The following ZNF438 variants were observed in gnomAD, a reference collection of about 807,000 sequenced individuals.
The protein encoded by ZNF438 is zinc finger protein 438.
Under a neutral mutation model 38.0 loss-of-function variants are expected in ZNF438, and 25 were observed. The observed-to-expected ratio is 0.66, with a 90% CI of 0.48 to 0.92. The LOEUF (loss-of-function observed/expected upper bound fraction) is 0.92, where lower values mean the gene tolerates loss of function less well. Among genes scored for constraint, ZNF438 ranks in the 40% least tolerant of loss-of-function variants. The pLI is 0.00. For missense variants in ZNF438, 1,007 were observed against 999.6 expected (o/e 1.01, Z -0.10); for synonymous variants, 372 against 364.1 (o/e 1.02, Z -0.25).
intron 1 of ZNF438, among the ~76,000 whole-genome samples, chr10:31,014,652 G>A (rs1442021745): frequency 1.3e-5 from 2 of 152,116 alleles, no homozygotes; most frequent in Non-Finnish European, 2.9e-5. Context: ...AATCAGCTGC[G>A]TGATGACGGT....
intron 1 of ZNF438, among the ~76,000 whole-genome samples, chr10:30,989,209 T>C (rs2053191809): frequency 6.6e-6 from 1 of 152,208 alleles, no homozygotes; most frequent in Non-Finnish European, 1.5e-5. Flanking sequence ...AGCCAATTCC[T>C]TAAAATAAAC....
At chr10:30,981,600 G>A (rs1335185722) in intron 1 of ZNF438, among the ~76,000 whole-genome samples, 3 of 152,172 alleles carry the variant, frequency 2.0e-5, no homozygotes, top group East Asian at 3.9e-4. Context: ...TGTTCAGGCC[G>A]GGCGTGATGG....
At chr10:30,991,753 G>A (rs1564809580) in intron 1 of ZNF438, among the ~76,000 whole-genome samples, 1 of 152,184 alleles carries the variant, frequency 6.6e-6, no homozygotes, top group Non-Finnish European at 1.5e-5. Flanking sequence ...AAAAGAGACA[G>A]CCAGCTCACA....
At chr10:30,969,634 T>A (rs1043039195) in intron 1 of ZNF438, among the ~76,000 whole-genome samples, 1 of 152,174 alleles carries the variant, frequency 6.6e-6, no homozygotes, top group Non-Finnish European at 1.5e-5. Context: ...GACCCCGAAG[T>A]ATACCAAATG....
chr10:31,026,819 T>C (rs1344707451), intron 1 of ZNF438, among the ~76,000 whole-genome samples: 2 of 152,038 alleles, frequency 1.3e-5, no homozygotes, highest in Admixed American at 1.3e-4. Flanking sequence ...CTATTCACAA[T>C]AGCAAAGACT....
intron 5 of ZNF438, among the ~76,000 whole-genome samples, chr10:30,846,815 G>A (rs1321046353): frequency 2.6e-5 from 4 of 152,124 alleles, no homozygotes; most frequent in African/African-American, 4.8e-5. Context: ...TTCCCCCCAC[G>A]GGCTCAAGAA....
chr10:31,021,480 A>C (rs2056589545), intron 1 of ZNF438, among the ~76,000 whole-genome samples: 1 of 152,200 alleles, frequency 6.6e-6, no homozygotes, highest in South Asian at 2.1e-4. Context: ...CGTTCATTGC[A>C]GGTTTTGTAT....
In ZNF438 at chr10:30,947,332, T is replaced by C. The variant is rs191322470; in HGVS notation, c.-191-5681A>G. Among the ~76,000 whole-genome samples the C allele has an allele frequency of 1.5e-3, 224 of 152,374 alleles. 1 individual carries two copies. Among genetic ancestry groups the C allele is most frequent in the African/African-American group, 5.0e-3 (209 of 41,592 alleles). On this transcript the variant is annotated intron_variant, in intron 1 of 5. Coordinates refer to ENST00000413025, the Ensembl canonical transcript of ZNF438. ...TGGCTGTGTCTTCAGGGGATGTGTTTAGGTATTTTCTTACACAGAATTAGA... is the reference window on the plus strand; with the variant it reads ...TGGCTGTGTCTTCAGGGGATGTGTTCAGGTATTTTCTTACACAGAATTAGA...
intron 1 of ZNF438, among the ~76,000 whole-genome samples, chr10:31,013,779 T>C (rs1346560970): frequency 6.6e-6 from 1 of 152,140 alleles, no homozygotes; most frequent in East Asian, 1.9e-4. Flanking sequence ...AATGCTTACA[T>C]TTCTCCCATC....
chr10:30,909,589 C>A (rs765315239), intron 2 of ZNF438, among the ~76,000 whole-genome samples: 2 of 152,144 alleles, frequency 1.3e-5, no homozygotes, highest in Admixed American at 6.5e-5. Flanking sequence ...TTATCCTGAA[C>A]CTTTGTATCA....
chr10:30,889,393 A>T (rs572755559), intron 3 of ZNF438, among the ~76,000 whole-genome samples: 9 of 152,182 alleles, frequency 5.9e-5, no homozygotes, highest in Non-Finnish European at 1.2e-4. Flanking sequence ...TGATTAAAAA[A>T]TACTCCCCTC....
At chr10:30,921,267 T>C (rs2044266153) in intron 2 of ZNF438, 1 of 152,176 alleles carries the variant, frequency 6.6e-6, no homozygotes, top group Non-Finnish European at 1.5e-5. Context: ...CCTTTCAACG[T>C]CAAGTAAAAA....
intron 2 of ZNF438, chr10:30,920,333 G>C (rs1564642792): frequency 1.3e-5 from 2 of 152,194 alleles, no homozygotes; most frequent in African/African-American, 4.8e-5. Context: ...TATTCAGGTA[G>C]AGGTAACTTG....
rs201414261 is a variant in ZNF438 at position 31,014,081 on chromosome 10, CT to C, written c.-192+17751del. ...TGATCTTAAAATGCTTGTCTCTTGGCTTCAGTAACATTATTCTTTCTTGGTG... is the reference window on the plus strand; with the variant it reads ...TGATCTTAAAATGCTTGTCTCTTGGCTCAGTAACATTATTCTTTCTTGGTG... On this transcript the variant is annotated intron_variant, in intron 1 of 5. Transcript: ENST00000413025. Among the ~76,000 whole-genome samples, 1,156 of 152,208 alleles carry C rather than the reference CT, an allele frequency of 7.6e-3. 20 individuals carry two copies. Among genetic ancestry groups the C allele is most frequent in the African/African-American group, 0.027 (1,120 of 41,524 alleles).
intron 3 of ZNF438, among the ~76,000 whole-genome samples, chr10:30,906,848 T>G (rs1183747054): frequency 6.6e-6 from 1 of 152,256 alleles, no homozygotes; most frequent in Admixed American, 6.5e-5. Context: ...ATTCTATTAA[T>G]GTGGTGTCAA....
chr10:30,983,272 C>G (rs114158099), intron 1 of ZNF438, among the ~76,000 whole-genome samples: 1,758 of 152,280 alleles, frequency 0.012, 31 homozygotes, highest in African/African-American at 0.039. Context: ...AAAGAACTAT[C>G]TGAGACTGGG....
intron 3 of ZNF438, among the ~76,000 whole-genome samples, chr10:30,885,616 G>T (rs1405052030): frequency 6.6e-6 from 1 of 152,130 alleles, no homozygotes; most frequent in East Asian, 1.9e-4. Context: ...TCATTCCCAA[G>T]GTGTGTGTCA....
intron 1 of ZNF438, among the ~76,000 whole-genome samples, chr10:30,989,557 G>A (rs2053243186): frequency 6.6e-6 from 1 of 152,164 alleles, no homozygotes; most frequent in Non-Finnish European, 1.5e-5. Context: ...GTGAGTGTGA[G>A]ACAGAGAAGA....
At chr10:31,000,560 C>T (rs754016647) in intron 1 of ZNF438, among the ~76,000 whole-genome samples, 15 of 152,320 alleles carry the variant, frequency 9.8e-5, no homozygotes, top group Non-Finnish European at 1.8e-4. Context: ...CCATCACTTC[C>T]TGTGGTGATG....
Sources: gnomAD v4.1 joint callset for allele counts (sites outside exome capture counted in the v4.1 genomes callset) on GRCh38, gnomAD v4.1.1 for gene constraint, MANE v1.5 for transcripts, NCBI Gene and HGNC (gene_info 2026-07-23, HGNC 2026-07-21) for gene names.